The following DYNLT2B variants were observed in gnomAD, a reference collection of about 807,000 sequenced individuals.
The protein encoded by DYNLT2B is dynein light chain Tctex-type 2B.
Under a neutral mutation model 19.5 loss-of-function variants are expected in DYNLT2B, and 14 were observed. That is an observed-to-expected ratio of 0.72 (90% CI 0.47 to 1.12). The LOEUF (loss-of-function observed/expected upper bound fraction) is 1.12, where lower values mean the gene tolerates loss of function less well. DYNLT2B is among the 50% of genes most tolerant of loss of function. The probability of loss-of-function intolerance (pLI) is 0.00; values close to 1 mark genes in which losing one functional copy is unlikely to be tolerated. For missense variants in DYNLT2B, 133 were observed against 174.7 expected, an observed-to-expected ratio of 0.76 and a Z score of 1.35; for synonymous variants, 70 against 59.7, an observed-to-expected ratio of 1.17 and a Z score of -0.79.
intron 3 of DYNLT2B, among the ~76,000 whole-genome samples, 156 bp downstream of exon 3, chr3:196,306,787 C>T (rs1044761291): frequency 1.3e-5 from 2 of 152,004 alleles, no homozygotes; most frequent in African/African-American, 2.4e-5. Flanking sequence ...GTGATCCACC[C>T]GCCTCAGCCT....
chr3:196,293,890 G>A (rs552173418), intron 4 of DYNLT2B, among the ~76,000 whole-genome samples: 11 of 150,838 alleles, frequency 7.3e-5, no homozygotes, highest in Admixed American at 7.2e-4. Flanking sequence ...TGATCCGCCC[G>A]CCTCGGCCTC....
Position 196,316,902 on chromosome 3 carries a change from TGTGTGTTGTGTG to T in DYNLT2B, c.114-683_114-672del, listed in dbSNP as rs1347569951. Among the ~76,000 whole-genome samples the T allele has an allele frequency of 2.5e-3, 335 of 132,884 alleles. 20 individuals are homozygous for T. The highest frequency in any genetic ancestry group is 9.1e-3 in the African/African-American group (303 of 33,146). The allele number at this position is 132,884 out of a possible 152,430, so 87.2% of individuals were successfully genotyped here. The stretch of plus-strand genomic sequence containing the variant: ...TGACATTTTTTTCAGTGTGTGTGTG[TGTGTGTTGTGTG>T]GTGTGTGTGTGTGTTGTGTGGTGTG... On this transcript the variant is annotated intron_variant, in intron 1 of 4. Transcript: ENST00000325318.
At chr3:196,312,787 G>T (rs931446496) in intron 2 of DYNLT2B, among the ~76,000 whole-genome samples, 1 of 152,122 alleles carries the variant, frequency 6.6e-6, no homozygotes, top group African/African-American at 2.4e-5. Flanking sequence ...AAAGGCAAAA[G>T]GCAGGCATTC....
intron 3 of DYNLT2B, among the ~76,000 whole-genome samples, chr3:196,299,880 G>A (rs1726309365): frequency 2.6e-5 from 4 of 152,124 alleles, no homozygotes; most frequent in African/African-American, 7.2e-5. Context: ...GCAGTGAGCC[G>A]AGATGGCACC....
At chr3:196,306,270 G>T (rs1435650435) in intron 3 of DYNLT2B, among the ~76,000 whole-genome samples, 1 of 133,584 alleles carries the variant, frequency 7.5e-6, no homozygotes, top group Non-Finnish European at 1.6e-5. Flanking sequence ...AAAAAAGAAA[G>T]AAAGAAAATT....
At chr3:196,309,695 C>T (rs1036880657) in intron 2 of DYNLT2B, among the ~76,000 whole-genome samples, 1 of 151,906 alleles carries the variant, frequency 6.6e-6, no homozygotes, top group African/African-American at 2.4e-5. Flanking sequence ...GTGGCCCACA[C>T]CTGTAATCCC....
At chr3:196,291,434 G>C in intron 4 of DYNLT2B, 60 bp from the exon 5 acceptor site, 1 of 1,531,578 alleles carries the variant, frequency 6.5e-7, no homozygotes, top group Non-Finnish European at 8.8e-7. Flanking sequence ...GAGGGAATGA[G>C]AGCAGCACAG....
At position 196,316,232 on chromosome 3, in the gene DYNLT2B, C is replaced by T. The variant is rs149665976; in HGVS notation, c.114-1G>A. On this transcript the variant is annotated splice_acceptor_variant, in intron 1 of 4. Transcript: ENST00000325318. LOFTEE classifies it high-confidence loss of function. ...GTCTTTAACCACAGAGGGCCTGAAC[C>T]TGAATGGAACAATTTGTGAACATCC... The T allele has an allele frequency of 2.5e-4, 401 of 1,603,212 alleles. 1 individual carries two copies. The African/African-American group carries it at 5.0e-3, about 20-fold the overall frequency.
chr3:196,310,250 C>T (rs1438962873), intron 2 of DYNLT2B, among the ~76,000 whole-genome samples: 5 of 150,384 alleles, frequency 3.3e-5, no homozygotes, highest in South Asian at 2.1e-4. Context: ...TATAGGCATG[C>T]GCCATCACGC....
chr3:196,295,850 T>G (rs1474436353), intron 4 of DYNLT2B, among the ~76,000 whole-genome samples, 156 bp downstream of exon 4: 1 of 152,236 alleles, frequency 6.6e-6, no homozygotes, highest in Non-Finnish European at 1.5e-5. Flanking sequence ...GTTTCTGCTT[T>G]AGTAACACAA....
Position 196,316,189 on chromosome 3 carries a change from G to C in DYNLT2B, c.156C>G (p.Leu52=), listed in dbSNP as rs747169038. 4.3e-6 allele frequency: 7 copies of C among 1,613,706 alleles called. No individual in the cohort carries two copies. In the East Asian group the frequency reaches 1.6e-4, roughly 36 times the overall value. The change falls in exon 2 of 5, where the codon CTC becomes CTG. Residue 52 remains leucine, a synonymous_variant. Transcript: ENST00000325318. ...SVVKDCIHAV[L]KEELANAEYS... The stretch of plus-strand genomic sequence containing the variant: ...ATTCAGCATTTGCCAGTTCCTCCTT[G>C]AGCACAGCATGGATACAGTCTTTAA...
Position 196,318,201 on chromosome 3 carries a change from T to C in DYNLT2B, c.-49A>G. On this transcript the variant is annotated 5_prime_UTR_variant, in exon 1 of 5. Transcript: ENST00000325318. ...TAGCTCGCGATGAAGGCCTAGCGGGTTGCGGTCGCGGCCGGCAGCAGGGAA... is the reference window on the plus strand; with the variant it reads ...TAGCTCGCGATGAAGGCCTAGCGGGCTGCGGTCGCGGCCGGCAGCAGGGAA... 8.4e-7 allele frequency: 1 copy of C among 1,185,380 alleles called. No individual in the cohort carries two copies. The highest frequency in any genetic ancestry group is 1.1e-6 in the Non-Finnish European group (1 of 874,580). The allele number at this position is 1,185,380 out of a possible 1,614,324, so 73.4% of individuals were successfully genotyped here.
At chr3:196,313,696 C>G (rs1425919647) in intron 2 of DYNLT2B, among the ~76,000 whole-genome samples, 3 of 152,112 alleles carry the variant, frequency 2.0e-5, no homozygotes, top group African/African-American at 7.2e-5. Context: ...CACAGGATTG[C>G]TATTCTTTGT....
At chr3:196,317,094 T>G (rs1726854435) in intron 1 of DYNLT2B, among the ~76,000 whole-genome samples, 1 of 116,070 alleles carries the variant, frequency 8.6e-6, no homozygotes, top group Non-Finnish European at 1.7e-5. Context: ...TGTGTAAAGT[T>G]AGTGATCTTA....
At chr3:196,311,881 G>A (rs1726654218) in intron 2 of DYNLT2B, among the ~76,000 whole-genome samples, 1 of 151,898 alleles carries the variant, frequency 6.6e-6, no homozygotes, top group African/African-American at 2.4e-5. Context: ...GGACTAGCAA[G>A]CCCGGCTAAT....
chr3:196,306,077 G>C (rs1182048953), intron 3 of DYNLT2B, among the ~76,000 whole-genome samples: 1 of 152,072 alleles, frequency 6.6e-6, no homozygotes, highest in Non-Finnish European at 1.5e-5. Context: ...CAAATGCAAT[G>C]TGTGGACCTT....
chr3:196,291,538 G>A (rs1726095818), intron 4 of DYNLT2B, among the ~76,000 whole-genome samples, 164 bp from the exon 5 acceptor site: 1 of 152,104 alleles, frequency 6.6e-6, no homozygotes, highest in African/African-American at 2.4e-5. Context: ...GAGTGCAGTG[G>A]TGTGATCTCA....
At chr3:196,316,560 CACAAAATAAAATAAA>C (rs1474770757) in intron 1 of DYNLT2B, among the ~76,000 whole-genome samples, 1 of 151,690 alleles carries the variant, frequency 6.6e-6, no homozygotes, top group Non-Finnish European at 1.5e-5. Context: ...TGCACGCTTT[CACAAAATAAAATAAA>C]ATAAAATAAA....
intron 2 of DYNLT2B, among the ~76,000 whole-genome samples, chr3:196,307,802 G>A (rs1034206639): frequency 3.3e-5 from 5 of 151,398 alleles, no homozygotes; most frequent in African/African-American, 7.3e-5. Flanking sequence ...AAAATAGGCC[G>A]GGCACGGTGG....
Sources: allele counts gnomAD v4.1 joint callset (sites outside exome capture counted in the v4.1 genomes callset), GRCh38; gene constraint gnomAD v4.1.1; transcripts MANE v1.5; gene names NCBI Gene and HGNC (gene_info 2026-07-23, HGNC 2026-07-21).